Variants in GNAQ observed in about 807,000 individuals in gnomAD.
The protein encoded by GNAQ is G protein subunit alpha q.
GNAQ carries 8 observed loss-of-function variants against 43.9 expected under a neutral mutation model. The observed-to-expected ratio is 0.18, with a 90% CI of 0.11 to 0.33. GNAQ has a LOEUF of 0.33. Among genes scored for constraint, GNAQ ranks in the 10% least tolerant of loss-of-function variants. The probability of loss-of-function intolerance (pLI) is 1.00; values close to 1 mark genes in which losing one functional copy is unlikely to be tolerated. For synonymous variants in GNAQ, 155 were observed against 170.7 expected, an observed-to-expected ratio of 0.91 and a Z score of 0.71; for missense variants, 158 against 450.8, an observed-to-expected ratio of 0.35 and a Z score of 5.88.
chr9:77,806,061 C>A (rs1333659306), intron 3 of GNAQ, among the ~76,000 whole-genome samples: 4 of 152,022 alleles, frequency 2.6e-5, no homozygotes, highest in East Asian at 3.9e-4. Context: ...GGGCTCACAG[C>A]AATAGATTCT....
At chr9:77,915,763 C>G (rs1828893139) in intron 2 of GNAQ, among the ~76,000 whole-genome samples, 1 of 152,180 alleles carries the variant, frequency 6.6e-6, no homozygotes, top group African/African-American at 2.4e-5. Context: ...CTTCTTTCCA[C>G]TCCAGAATAA....
intron 1 of GNAQ, among the ~76,000 whole-genome samples, chr9:77,924,182 A>C (rs1242256567): frequency 6.6e-6 from 1 of 152,236 alleles, no homozygotes; most frequent in African/African-American, 2.4e-5. Flanking sequence ...GGATTAATCC[A>C]AAAAGTTTAA....
intron 1 of GNAQ, among the ~76,000 whole-genome samples, chr9:77,937,765 G>A (rs1564157212): frequency 6.6e-6 from 1 of 152,106 alleles, no homozygotes; most frequent in Non-Finnish European, 1.5e-5. Flanking sequence ...GGTGGGGCAT[G>A]CCTGTAGTCC....
chr9:77,979,367 AAATT>A (rs1408926719), intron 1 of GNAQ, among the ~76,000 whole-genome samples: 7 of 149,370 alleles, frequency 4.7e-5, no homozygotes, highest in Admixed American at 6.6e-5. Flanking sequence ...AAAAAAAAAA[AAATT>A]AAATTAAATT....
At chr9:77,788,612 T>C (rs1027425859) in intron 5 of GNAQ, among the ~76,000 whole-genome samples, 1 of 152,236 alleles carries the variant, frequency 6.6e-6, no homozygotes, top group African/African-American at 2.4e-5. Flanking sequence ...TGTATCATTT[T>C]ACTTGTGTGA....
rs1032491321 is a variant in GNAQ at position 77,766,378 on chromosome 9, A to T, written c.735+28085T>A. Among the ~76,000 whole-genome samples the T allele has an allele frequency of 3.3e-5, 5 of 152,344 alleles. No individual in the cohort carries two copies. The East Asian group carries it at 7.7e-4, about 23-fold the overall frequency. ...ATGTAATAATTAGCTTGTAAAGTAC[A>T]TATTAGAAAGTGAATTGTTCTTGAT... On this transcript the variant is annotated intron_variant, in intron 5 of 6. Coordinates refer to ENST00000286548, the MANE Select transcript of GNAQ (RefSeq NM_002072.5).
chr9:77,727,645 A>C (rs1429281536), intron 6 of GNAQ, among the ~76,000 whole-genome samples: 2 of 152,220 alleles, frequency 1.3e-5, no homozygotes. Flanking sequence ...TTTCCTGAGT[A>C]TTCATAAGTG....
At chr9:77,870,145 C>T (rs919541409) in intron 2 of GNAQ, among the ~76,000 whole-genome samples, 1 of 151,976 alleles carries the variant, frequency 6.6e-6, no homozygotes, top group African/African-American at 2.4e-5. Context: ...AACACTGAGA[C>T]AAAAAGTGAT....
chr9:77,949,815 T>C (rs1170190233), intron 1 of GNAQ, among the ~76,000 whole-genome samples: 1 of 152,172 alleles, frequency 6.6e-6, no homozygotes, highest in African/African-American at 2.4e-5. Flanking sequence ...TTTATTCATA[T>C]TCTAACTCAA....
intron 2 of GNAQ, among the ~76,000 whole-genome samples, chr9:77,865,064 A>G (rs1369213398): frequency 6.6e-6 from 1 of 152,148 alleles, no homozygotes; most frequent in Non-Finnish European, 1.5e-5. Flanking sequence ...TTTTCACCCT[A>G]AGCTGCAAAC....
intron 5 of GNAQ, among the ~76,000 whole-genome samples, chr9:77,749,959 A>G (rs1427978410): frequency 6.6e-6 from 1 of 152,076 alleles, no homozygotes; most frequent in East Asian, 1.9e-4. Context: ...TTTCTTCACT[A>G]ATTTAGACTG....
chr9:77,800,911 A>G (rs1309541324), intron 3 of GNAQ, among the ~76,000 whole-genome samples: 1 of 152,220 alleles, frequency 6.6e-6, no homozygotes, highest in Non-Finnish European at 1.5e-5. Flanking sequence ...GAGGAATCAA[A>G]TAACTTTAAA....
intron 1 of GNAQ, among the ~76,000 whole-genome samples, chr9:78,018,438 A>C (rs1040158874): frequency 6.6e-6 from 1 of 152,194 alleles, no homozygotes; most frequent in Non-Finnish European, 1.5e-5. Context: ...AGTTTTATTA[A>C]ATTTTGTGCA....
chr9:77,744,420 T>C (rs888621750), intron 5 of GNAQ, among the ~76,000 whole-genome samples: 1 of 152,202 alleles, frequency 6.6e-6, no homozygotes, highest in Non-Finnish European at 1.5e-5. Flanking sequence ...TGGGCACTTA[T>C]AACTATATTC....
chr9:78,030,901 G>GTC (rs1025789713), intron 1 of GNAQ, among the ~76,000 whole-genome samples, 199 bp downstream of exon 1: 1 of 151,508 alleles, frequency 6.6e-6, no homozygotes, highest in African/African-American at 2.4e-5. Flanking sequence ...GTGTGTGTGT[G>GTC]TGTGTGTGTG....
intron 3 of GNAQ, among the ~76,000 whole-genome samples, chr9:77,808,224 C>T (rs1242179138): frequency 6.6e-6 from 1 of 151,930 alleles, no homozygotes; most frequent in African/African-American, 2.4e-5. Flanking sequence ...TGTTCCTTCT[C>T]TGTAATGAAG....
intron 5 of GNAQ, among the ~76,000 whole-genome samples, chr9:77,756,521 G>A (rs1455376723): frequency 6.6e-6 from 1 of 152,214 alleles, no homozygotes; most frequent in Non-Finnish European, 1.5e-5. Context: ...AGGTTAGTAA[G>A]TTCTTACAAA....
chr9:77,833,114 GCAC>G (rs1827327717), intron 2 of GNAQ, among the ~76,000 whole-genome samples: 1 of 152,038 alleles, frequency 6.6e-6, no homozygotes, highest in Non-Finnish European at 1.5e-5. Flanking sequence ...CTACAGGCAT[GCAC>G]CACCACACCT....
At chr9:77,898,129 T>A (rs114232650) in intron 2 of GNAQ, among the ~76,000 whole-genome samples, 257 of 152,292 alleles carry the variant, frequency 1.7e-3, no homozygotes, top group African/African-American at 5.9e-3. Context: ...CCAACTGTTC[T>A]GTCACTGGAT....
Sources: allele counts gnomAD v4.1 joint callset (sites outside exome capture counted in the v4.1 genomes callset), GRCh38; gene constraint gnomAD v4.1.1; transcripts MANE v1.5; gene names NCBI Gene and HGNC (gene_info 2026-07-23, HGNC 2026-07-21).